Variants in SLC4A10 observed in about 807,000 individuals in gnomAD.
SLC4A10 encodes solute carrier family 4 member 10.
SLC4A10 carries 42 observed loss-of-function variants against 137.7 expected under a neutral mutation model. The observed-to-expected ratio is 0.30, with a 90% CI of 0.24 to 0.39. The LOEUF is 0.39. SLC4A10 is among the 10% of genes least tolerant of loss of function. SLC4A10 has a pLI of 1.00. For synonymous variants in SLC4A10, 474 were observed against 464.1 expected, an observed-to-expected ratio of 1.02 and a Z score of -0.27; for missense variants, 925 against 1,355.0, an observed-to-expected ratio of 0.68 and a Z score of 4.98.
At chr2:161,733,992 C>T (rs1233598433) in intron 1 of SLC4A10, among the ~76,000 whole-genome samples, 1 of 152,158 alleles carries the variant, frequency 6.6e-6, no homozygotes, top group Non-Finnish European at 1.5e-5. Context: ...GCTGTATTTA[C>T]CCAATACCTG....
At chr2:161,927,564 T>G (rs1474156402) in intron 15 of SLC4A10, among the ~76,000 whole-genome samples, 1 of 152,286 alleles carries the variant, frequency 6.6e-6, no homozygotes, top group East Asian at 1.9e-4. Context: ...TAAAAGAAAC[T>G]ACCATCAGAG....
chr2:161,647,156 C>T (rs906618468), intron 1 of SLC4A10, among the ~76,000 whole-genome samples: 8 of 151,974 alleles, frequency 5.3e-5, no homozygotes, highest in Non-Finnish European at 7.4e-5. Flanking sequence ...AATCACACTG[C>T]CCTGATTTAA....
intron 3 of SLC4A10, among the ~76,000 whole-genome samples, chr2:161,811,681 A>T (rs2056565303): frequency 6.6e-6 from 1 of 152,040 alleles, no homozygotes; most frequent in African/African-American, 2.4e-5. Context: ...TGTACTTCAG[A>T]GGGAAAATAT....
At chr2:161,792,105 AACTC>A (rs1464819487) in intron 2 of SLC4A10, among the ~76,000 whole-genome samples, 1 of 152,138 alleles carries the variant, frequency 6.6e-6, no homozygotes, top group Admixed American at 6.6e-5. Flanking sequence ...AAGGCATAAT[AACTC>A]ACTCACTATT....
intron 1 of SLC4A10, among the ~76,000 whole-genome samples, chr2:161,674,748 T>C (rs1234096876): frequency 6.6e-6 from 1 of 152,192 alleles, no homozygotes; most frequent in African/African-American, 2.4e-5. Flanking sequence ...ACAAATACTT[T>C]TGTGGAGCAG....
chr2:161,666,810 T>C (rs1273319532), intron 1 of SLC4A10, among the ~76,000 whole-genome samples: 1 of 150,082 alleles, frequency 6.7e-6, no homozygotes, highest in Admixed American at 6.7e-5. Context: ...AACAATGTAA[T>C]TTATGTAAAT....
At chr2:161,706,183 T>C (rs2043642239) in intron 1 of SLC4A10, among the ~76,000 whole-genome samples, 1 of 151,534 alleles carries the variant, frequency 6.6e-6, no homozygotes, top group Non-Finnish European at 1.5e-5. Flanking sequence ...ATTGCAAAGA[T>C]CAATTGTGCT....
At chr2:161,939,939 T>C (rs903045879) in intron 15 of SLC4A10, among the ~76,000 whole-genome samples, 1 of 152,156 alleles carries the variant, frequency 6.6e-6, no homozygotes, top group African/African-American at 2.4e-5. Flanking sequence ...ATGACATCTA[T>C]AGTACTTTAC....
At chr2:161,648,462 A>G (rs1201406572) in intron 1 of SLC4A10, among the ~76,000 whole-genome samples, 1 of 152,200 alleles carries the variant, frequency 6.6e-6, no homozygotes, top group Admixed American at 6.5e-5. Context: ...TATTTATTGG[A>G]GTATTGTTCA....
intron 3 of SLC4A10, among the ~76,000 whole-genome samples, chr2:161,805,315 CA>C (rs1201315484): frequency 6.6e-6 from 1 of 152,170 alleles, no homozygotes; most frequent in African/African-American, 2.4e-5. Flanking sequence ...AGGACACAGC[CA>C]AACCATATCG....
chr2:161,718,550 T>C (rs1253010822), intron 1 of SLC4A10, among the ~76,000 whole-genome samples: 1 of 152,202 alleles, frequency 6.6e-6, no homozygotes, highest in African/African-American at 2.4e-5. Flanking sequence ...CTTAATTATT[T>C]TATTCACCCA....
chr2:161,802,990 G>A (rs1559283332), intron 2 of SLC4A10, among the ~76,000 whole-genome samples: 1 of 152,042 alleles, frequency 6.6e-6, no homozygotes, highest in Non-Finnish European at 1.5e-5. Flanking sequence ...TTCATCCACA[G>A]TATTGCCATT....
At chr2:161,914,664 T>A (rs1332638690) in intron 15 of SLC4A10, among the ~76,000 whole-genome samples, 7 of 151,626 alleles carry the variant, frequency 4.6e-5, no homozygotes, top group Non-Finnish European at 1.0e-4. Context: ...TTTTTTTTTT[T>A]ATTATAAAAG....
chr2:161,880,057 C>T (rs1049867434), intron 9 of SLC4A10, among the ~76,000 whole-genome samples: 1 of 152,026 alleles, frequency 6.6e-6, no homozygotes, highest in African/African-American at 2.4e-5. Flanking sequence ...AATTTCCAAG[C>T]AATTTACCCA....
intron 1 of SLC4A10, among the ~76,000 whole-genome samples, chr2:161,695,948 A>G (rs1387709395): frequency 6.6e-6 from 1 of 152,044 alleles, no homozygotes; most frequent in Non-Finnish European, 1.5e-5. Flanking sequence ...GTTCTAGGGT[A>G]CATGTGCACA....
chr2:161,668,138 C>G (rs2039290583), intron 1 of SLC4A10, among the ~76,000 whole-genome samples: 1 of 151,770 alleles, frequency 6.6e-6, no homozygotes, highest in African/African-American at 2.4e-5. Context: ...CTTTGAACTA[C>G]TCCACTGATT....
chr2:161,839,772 T>C lies in SLC4A10; in HGVS notation c.278-17T>C. 1 of 1,613,250 alleles carries C rather than the reference T, an allele frequency of 6.2e-7. No homozygotes were observed. Among genetic ancestry groups the C allele is most frequent in the South Asian group, 1.1e-5 (1 of 91,070 alleles). On this transcript the variant is annotated splice_polypyrimidine_tract_variant and intron_variant, in intron 3 of 26. Transcript: ENST00000446997. Reference sequence around the variant, plus strand: ...GGTAATACATGTTCATGGTAATACATGTCTCTGATTTTTTAGACACCCCAT... The same window carrying C: ...GGTAATACATGTTCATGGTAATACACGTCTCTGATTTTTTAGACACCCCAT...
intron 26 of SLC4A10, among the ~76,000 whole-genome samples, chr2:161,981,814 G>C (rs1422794504): frequency 6.6e-6 from 1 of 152,188 alleles, no homozygotes; most frequent in Non-Finnish European, 1.5e-5. Context: ...AGTATGTGCT[G>C]AGAAGTGTGG....
At chr2:161,632,349 G>T (rs1049527413) in intron 1 of SLC4A10, among the ~76,000 whole-genome samples, 3 of 151,406 alleles carry the variant, frequency 2.0e-5, no homozygotes, top group South Asian at 2.1e-4. Context: ...AAGGTTTTCT[G>T]GGAATAAACC....
Sources: gnomAD v4.1 joint callset for allele counts (sites outside exome capture counted in the v4.1 genomes callset) on GRCh38, gnomAD v4.1.1 for gene constraint, MANE v1.5 for transcripts, NCBI Gene and HGNC (gene_info 2026-07-23, HGNC 2026-07-21) for gene names.